SHROOM3: variants seen among roughly 807,000 people sequenced by gnomAD.
The protein encoded by SHROOM3 is protein Shroom3.
In SHROOM3, 47 loss-of-function variants were observed where a neutral mutation model predicts 138.6. That is an observed-to-expected ratio of 0.34 (90% CI 0.27 to 0.43). The LOEUF is 0.43. Ranked by LOEUF, SHROOM3 falls within the 20% of genes least tolerant of loss-of-function variation. SHROOM3 has a pLI of 1.00. For missense variants in SHROOM3, 2,491 were observed against 2,596.5 expected (o/e 0.96, Z 0.88); for synonymous variants, 1,062 against 1,063.3 (o/e 1.00, Z 0.02).
chr4:76,757,045 C>G, intron 8 of SHROOM3, 108 bp downstream of exon 8: 5 of 1,560,872 alleles, frequency 3.2e-6, no homozygotes, highest in Non-Finnish European at 4.4e-6. Flanking sequence ...GCCACAGCTC[C>G]TGAACCAAGA....
chr4:76,454,593 G>A (rs1168232884), intron 1 of SHROOM3, among the ~76,000 whole-genome samples: 1 of 152,170 alleles, frequency 6.6e-6, no homozygotes, highest in Non-Finnish European at 1.5e-5. Context: ...TTGAAACAAG[G>A]AAGTGTGAAA....
intron 2 of SHROOM3, among the ~76,000 whole-genome samples, chr4:76,557,812 C>T (rs140571177): frequency 1.3e-5 from 2 of 152,286 alleles, no homozygotes; most frequent in African/African-American, 2.4e-5. Context: ...TCTGAGGTAA[C>T]AAGAGATGCT....
Position 76,741,576 on chromosome 4 carries a change from T to G in SHROOM3, c.3403T>G (p.Ser1135Ala). The G allele has an allele frequency of 6.5e-7, 1 of 1,542,824 alleles. No individual in the cohort carries two copies. The highest frequency in any genetic ancestry group is 8.7e-7 in the Non-Finnish European group (1 of 1,150,394). ...GGCGCTCGAAGGCTCCGGCCTCGCC[T>G]CGGCCTCCAGCTTGAGCTCACTGCG... ...PAALEGSGLA[S>A]ASSLSSLREP... Residue 1135 changes from serine (S) to alanine (A), a missense_variant, in exon 5 of 11, where the codon TCG (serine) becomes GCG (alanine). Transcript: ENST00000296043. The surrounding 1 kb of genome is among the most constrained non-coding windows in gnomAD (Gnocchi z 6.2).
intron 9 of SHROOM3, among the ~76,000 whole-genome samples, chr4:76,770,252 G>C (rs1243445354): frequency 6.7e-6 from 1 of 148,830 alleles, no homozygotes; most frequent in Admixed American, 6.8e-5. Flanking sequence ...GAACCCAGGA[G>C]GCAGAGGATT....
chr4:76,639,049 A>G (rs1735584708), intron 2 of SHROOM3, among the ~76,000 whole-genome samples: 1 of 151,452 alleles, frequency 6.6e-6, no homozygotes, highest in Non-Finnish European at 1.5e-5. Flanking sequence ...AGCTTTGGGG[A>G]GAGAGAGAAT....
chr4:76,636,654 A>C (rs1202736741), intron 2 of SHROOM3, among the ~76,000 whole-genome samples: 9 of 152,114 alleles, frequency 5.9e-5, no homozygotes, highest in Admixed American at 1.3e-4. Flanking sequence ...GGTTTTCCCC[A>C]GGGACTCTGT....
At chr4:76,557,428 C>T (rs1336205273) in intron 2 of SHROOM3, among the ~76,000 whole-genome samples, 4 of 152,100 alleles carry the variant, frequency 2.6e-5, no homozygotes, top group Non-Finnish European at 5.9e-5. Context: ...CTCACAGAAA[C>T]AGAGAGTAGA....
intron 2 of SHROOM3, among the ~76,000 whole-genome samples, chr4:76,691,119 C>T (rs1719523159): frequency 6.6e-6 from 1 of 152,180 alleles, no homozygotes; most frequent in African/African-American, 2.4e-5. Flanking sequence ...CTTTCCAGTG[C>T]TTGTGGCTTG....
chr4:76,563,171 A>C (rs1468098534), intron 2 of SHROOM3, among the ~76,000 whole-genome samples: 1 of 152,238 alleles, frequency 6.6e-6, no homozygotes, highest in Non-Finnish European at 1.5e-5. Context: ...ATAGTAAAAT[A>C]TTAATCTTTA....
chr4:76,662,392 C>A (rs1490698773), intron 2 of SHROOM3, among the ~76,000 whole-genome samples: 2 of 152,184 alleles, frequency 1.3e-5, no homozygotes, highest in Non-Finnish European at 2.9e-5. Context: ...TTCAAGCCTG[C>A]AAGACGCATT....
chr4:76,675,958 C>G (rs925023359), intron 2 of SHROOM3, among the ~76,000 whole-genome samples: 1 of 152,118 alleles, frequency 6.6e-6, no homozygotes, highest in Non-Finnish European at 1.5e-5. Context: ...GGCTGAGGAA[C>G]AAAGTCAGGG....
At chr4:76,715,491 G>C (rs1291341068) in intron 3 of SHROOM3, among the ~76,000 whole-genome samples, 3 of 152,094 alleles carry the variant, frequency 2.0e-5, no homozygotes, top group Non-Finnish European at 4.4e-5. Flanking sequence ...CTTGGGCTAG[G>C]GTAATGAGTC....
At chr4:76,694,754 G>A (rs1719670865) in intron 2 of SHROOM3, among the ~76,000 whole-genome samples, 1 of 152,194 alleles carries the variant, frequency 6.6e-6, no homozygotes, top group Admixed American at 6.5e-5. Context: ...AACTAGGCTG[G>A]CACCTGATAG....
At chr4:76,657,937 C>T (rs929053038) in intron 2 of SHROOM3, among the ~76,000 whole-genome samples, 3 of 152,158 alleles carry the variant, frequency 2.0e-5, no homozygotes, top group Non-Finnish European at 2.9e-5. Context: ...CTGGTCCTCT[C>T]CATGGAGTTC....
Position 76,737,799 on chromosome 4 carries a change from T to C in SHROOM3, c.588-962T>C, listed in dbSNP as rs146260983. Among the ~76,000 whole-genome samples, 427 of 152,334 alleles carry C rather than the reference T, an allele frequency of 2.8e-3. 1 individual carries two copies. Among genetic ancestry groups the C allele is most frequent in the African/African-American group, 9.8e-3 (408 of 41,576 alleles). ...TTGCTTTTTCACCATCTGTATATCT[T>C]CTTAGGATTGGCCAGTTTTTAAATC... On this transcript the variant is annotated intron_variant, in intron 4 of 10. Transcript: ENST00000296043.
chr4:76,464,820 C>T (rs1232312789), intron 1 of SHROOM3, among the ~76,000 whole-genome samples: 1 of 152,148 alleles, frequency 6.6e-6, no homozygotes, highest in African/African-American at 2.4e-5. Context: ...TGCTTGCTTC[C>T]CCTTCACCTT....
At chr4:76,667,851 C>G (rs1168994192) in intron 2 of SHROOM3, among the ~76,000 whole-genome samples, 3 of 149,714 alleles carry the variant, frequency 2.0e-5, no homozygotes, top group African/African-American at 7.4e-5. Flanking sequence ...GCCTGTAGTC[C>G]TAGCTACTCG....
rs1223281854 is a variant in SHROOM3, at chr4:76,602,156, C to A, written c.323+46393C>A. On this transcript the variant is annotated intron_variant, in intron 2 of 10. Coordinates refer to ENST00000296043, the MANE Select transcript of SHROOM3 (RefSeq NM_020859.4). ...GCAATTACAGAACGTTCCTTTCAATCTTTCTCCTCTGTTTTCCTTGACTTA... is the reference window on the plus strand; with the variant it reads ...GCAATTACAGAACGTTCCTTTCAATATTTCTCCTCTGTTTTCCTTGACTTA... 2.6e-5 allele frequency among the ~76,000 whole-genome samples: 4 copies of A among 152,202 alleles called. No individual in the cohort carries two copies. In the East Asian group the frequency reaches 7.7e-4, roughly 29 times the overall value.
chr4:76,510,631 A>G (rs1229065913), intron 1 of SHROOM3, among the ~76,000 whole-genome samples: 4 of 152,290 alleles, frequency 2.6e-5, no homozygotes, highest in African/African-American at 9.6e-5. Context: ...CAACTGCACA[A>G]TCCCCTGGAA....
Sources: allele counts gnomAD v4.1 joint callset (sites outside exome capture counted in the v4.1 genomes callset), GRCh38; gene constraint gnomAD v4.1.1; non-coding constraint Gnocchi (gnomAD v3.1); transcripts MANE v1.5; gene names NCBI Gene and HGNC (gene_info 2026-07-23, HGNC 2026-07-21).